Variants in PPM1E observed in about 807,000 individuals in gnomAD.
PPM1E encodes protein phosphatase 1E.
A neutral mutation model predicts 65.9 loss-of-function variants in PPM1E; 20 were observed. The ratio of observed to expected loss-of-function variants is 0.30; its 90% CI spans 0.21 to 0.44. The LOEUF is 0.44. Ranked by LOEUF, PPM1E falls within the 20% of genes least tolerant of loss-of-function variation. The probability of loss-of-function intolerance (pLI) is 1.00; values close to 1 mark genes in which losing one functional copy is unlikely to be tolerated. For missense variants in PPM1E, 713 were observed against 953.1 expected (o/e 0.75, Z 3.32); for synonymous variants, 352 against 374.9 (o/e 0.94, Z 0.70).
At chr17:58,782,396 C>A (rs2050058701) in intron 1 of PPM1E, among the ~76,000 whole-genome samples, 1 of 149,226 alleles carries the variant, frequency 6.7e-6, no homozygotes. Flanking sequence ...AATCTTAACT[C>A]AGGTTTTTGT....
At chr17:58,834,001 GGAGCATTTTTTC>G (rs1390719251) in intron 1 of PPM1E, among the ~76,000 whole-genome samples, 1 of 152,046 alleles carries the variant, frequency 6.6e-6, no homozygotes, top group East Asian at 1.9e-4. Context: ...TTAGTGATGT[GGAGCATTTTTTC>G]GTGTTCATTG....
chr17:58,803,720 G>A (rs1421171457), intron 1 of PPM1E, among the ~76,000 whole-genome samples: 1 of 152,150 alleles, frequency 6.6e-6, no homozygotes, highest in Non-Finnish European at 1.5e-5. Context: ...GCAGTAACCT[G>A]TAAGACAAAA....
chr17:58,761,747 G>A lies in PPM1E; in HGVS notation c.464+5286G>A, dbSNP rs567900461. Reference sequence around the variant, plus strand: ...ATCATGAGTTAGGGGTCCCTTCTACGTTCCTTTCCATAATACCCAATGCCA... The same window carrying A: ...ATCATGAGTTAGGGGTCCCTTCTACATTCCTTTCCATAATACCCAATGCCA... On this transcript the variant is annotated intron_variant, in intron 1 of 6. Coordinates refer to ENST00000308249, the MANE Select transcript of PPM1E (RefSeq NM_014906.5). Among the ~76,000 whole-genome samples, 5 of 152,208 alleles carry A rather than the reference G, an allele frequency of 3.3e-5. No homozygotes were observed. The East Asian group carries it at 7.7e-4, about 24-fold the overall frequency.
chr17:58,834,506 C>T (rs990249653), intron 1 of PPM1E, among the ~76,000 whole-genome samples: 3 of 152,006 alleles, frequency 2.0e-5, no homozygotes, highest in Non-Finnish European at 4.4e-5. Context: ...CTTGTTTTTT[C>T]CCTAAGAGTC....
chr17:58,889,522 C>A (rs2051320237), intron 1 of PPM1E, among the ~76,000 whole-genome samples: 1 of 152,152 alleles, frequency 6.6e-6, no homozygotes, highest in African/African-American at 2.4e-5. Flanking sequence ...TCGCTTGAAC[C>A]CAGGAGGCGG....
At chr17:58,953,339 A>C (rs185680720) in intron 1 of PPM1E, among the ~76,000 whole-genome samples, 1 of 152,308 alleles carries the variant, frequency 6.6e-6, no homozygotes, top group Admixed American at 6.5e-5. Context: ...AGGGCTTAAG[A>C]AGCTTCCACT....
chr17:58,784,672 G>A (rs563182471), intron 1 of PPM1E, among the ~76,000 whole-genome samples: 7 of 151,822 alleles, frequency 4.6e-5, no homozygotes, highest in Non-Finnish European at 8.8e-5. Context: ...TTACAGGCCC[G>A]TGCCACCACA....
chr17:58,778,008 C>T (rs1270597157), intron 1 of PPM1E, among the ~76,000 whole-genome samples: 2 of 152,186 alleles, frequency 1.3e-5, no homozygotes, highest in African/African-American at 4.8e-5. Flanking sequence ...TGGCTCACTG[C>T]AGCCTCGGCC....
intron 1 of PPM1E, among the ~76,000 whole-genome samples, chr17:58,839,926 C>T (rs1598604001): frequency 6.6e-6 from 1 of 152,172 alleles, no homozygotes; most frequent in Non-Finnish European, 1.5e-5. Flanking sequence ...AACACCACCA[C>T]CACTTCTGAC....
intron 1 of PPM1E, among the ~76,000 whole-genome samples, chr17:58,827,274 A>G (rs2050548061): frequency 6.6e-6 from 1 of 150,680 alleles, no homozygotes; most frequent in African/African-American, 2.4e-5. Flanking sequence ...AGTAGCTGTG[A>G]TTATAGGTGC....
At chr17:58,773,024 A>G (rs952195880) in intron 1 of PPM1E, among the ~76,000 whole-genome samples, 1 of 150,036 alleles carries the variant, frequency 6.7e-6, no homozygotes. Flanking sequence ...ACCTGATGCC[A>G]AGCTGTGTGG....
intron 1 of PPM1E, among the ~76,000 whole-genome samples, chr17:58,858,073 T>C (rs2050901802): frequency 6.6e-6 from 1 of 152,174 alleles, no homozygotes; most frequent in African/African-American, 2.4e-5. Flanking sequence ...ATTCAACAGA[T>C]GTGATTGAGA....
chr17:58,864,936 G>A (rs1024610100), intron 1 of PPM1E, among the ~76,000 whole-genome samples: 4 of 151,670 alleles, frequency 2.6e-5, no homozygotes, highest in African/African-American at 7.3e-5. Context: ...ACTCCATCTC[G>A]AAAAACAACA....
At chr17:58,919,287 A>G (rs1471949992) in intron 1 of PPM1E, among the ~76,000 whole-genome samples, 1 of 152,208 alleles carries the variant, frequency 6.6e-6, no homozygotes, top group Non-Finnish European at 1.5e-5. Flanking sequence ...ATAGATGGAA[A>G]GAGGTGATGT....
intron 6 of PPM1E, among the ~76,000 whole-genome samples, chr17:58,979,063 A>G (rs1039008805): frequency 6.6e-6 from 1 of 152,188 alleles, no homozygotes; most frequent in Non-Finnish European, 1.5e-5. Context: ...CTTACCCTTC[A>G]GGACCAGCTC....
intron 1 of PPM1E, among the ~76,000 whole-genome samples, chr17:58,899,097 T>C (rs2051463060): frequency 1.3e-5 from 2 of 151,838 alleles, no homozygotes; most frequent in African/African-American, 4.8e-5. Flanking sequence ...ACACAGCACA[T>C]GTATACATAT....
intron 1 of PPM1E, 50 bp from the exon 2 acceptor site, chr17:58,955,599 T>G: frequency 6.3e-7 from 1 of 1,587,508 alleles, no homozygotes; most frequent in East Asian, 2.2e-5. Context: ...TTAAATGTAT[T>G]ACTTTCTAAT....
intron 1 of PPM1E, among the ~76,000 whole-genome samples, chr17:58,921,917 G>C (rs981410140): frequency 1.3e-5 from 2 of 151,712 alleles, no homozygotes; most frequent in Non-Finnish European, 2.9e-5. Flanking sequence ...GCACGCACCT[G>C]TAATCCCAGC....
chr17:58,963,982 G>T (rs1300467434), intron 2 of PPM1E, among the ~76,000 whole-genome samples: 1 of 152,208 alleles, frequency 6.6e-6, no homozygotes, highest in East Asian at 1.9e-4. Flanking sequence ...ACAAAACCTT[G>T]AGGTCAGCTT....
Sources: gnomAD v4.1 joint callset for allele counts (sites outside exome capture counted in the v4.1 genomes callset) on GRCh38, gnomAD v4.1.1 for gene constraint, MANE v1.5 for transcripts, NCBI Gene and HGNC (gene_info 2026-07-23, HGNC 2026-07-21) for gene names.